ITIH4: variants seen among roughly 807,000 people sequenced by gnomAD.
The protein encoded by ITIH4 is inter-alpha-trypsin inhibitor heavy chain H4.
A neutral mutation model predicts 111.8 loss-of-function variants in ITIH4; 79 were observed. That is an observed-to-expected ratio of 0.71 (90% CI 0.59 to 0.85). ITIH4 has a LOEUF of 0.85. ITIH4 is among the 40% of genes least tolerant of loss of function. The pLI is 0.00. For missense variants in ITIH4, 1,065 were observed against 1,195.8 expected, an observed-to-expected ratio of 0.89 and a Z score of 1.61; for synonymous variants, 472 against 468.3, an observed-to-expected ratio of 1.01 and a Z score of -0.10.
intron 14 of ITIH4, 33 bp downstream of exon 14, chr3:52,820,258 C>G: frequency 2.5e-6 from 4 of 1,613,934 alleles, no homozygotes; most frequent in Non-Finnish European, 3.4e-6. Context: ...AGACCACCAC[C>G]CAGCACAGCC....
Position 52,821,044 on chromosome 3 carries a change from G to T in ITIH4, c.1626C>A (p.Asn542Lys). 1 of 1,614,150 alleles carries T rather than the reference G, an allele frequency of 6.2e-7. No individual in the cohort carries two copies. Among genetic ancestry groups the T allele is most frequent in the Non-Finnish European group, 8.5e-7 (1 of 1,180,044 alleles). ...EFQSPKYIFH[N>K]FMERLWAYLT... is the part of the protein sequence containing the mutation. ...GGTATGCCCAGAGCCTCTCCATGAA[G>T]TTGTGGAAGATATACTTGGGGCTCT... Residue 542 changes from asparagine to lysine, a missense_variant, in exon 12 of 24, where the codon AAC (asparagine) becomes AAA (lysine). Asn to Lys is a moderately conservative substitution (Grantham distance 94). Transcript: ENST00000266041.
intron 1 of ITIH4, chr3:52,829,918 A>C (rs1167814503): frequency 5.3e-6 from 1 of 189,496 alleles, no homozygotes; most frequent in Non-Finnish European, 1.1e-5. Context: ...AGCAGGTGCC[A>C]TTTGCCTTGA....
rs192394531 is a variant in ITIH4 at position 52,818,083 on chromosome 3, C to A, written c.2265G>T (p.Gly755=). 119 of 1,613,644 alleles carry A rather than the reference C, an allele frequency of 7.4e-5. No homozygotes were observed. In the East Asian group the frequency reaches 2.0e-3, roughly 27 times the overall value. Residue 755 remains glycine, a synonymous_variant, in exon 20 of 24, where the codon GGG becomes GGT. Transcript: ENST00000266041. Reference sequence around the variant, plus strand: ...CAGGGTCTGAGAGCAGGTTCACTGGCCCCTGGCGGTGTCTGGGGTCCACAC... The same window carrying A: ...CAGGGTCTGAGAGCAGGTTCACTGGACCCTGGCGGTGTCTGGGGTCCACAC... ...RLCVDPRHRQ[G]PVNLLSDPEQ...
chr3:52,821,223 G>C, intron 11 of ITIH4, 93 bp from the exon 12 acceptor site: 1 of 1,470,146 alleles, frequency 6.8e-7, no homozygotes, highest in South Asian at 1.3e-5. Context: ...TTGGGGCTGG[G>C]GCAGGTCCCA....
intron 1 of ITIH4, 96 bp downstream of exon 1, chr3:52,830,457 C>G: frequency 8.3e-7 from 1 of 1,206,662 alleles, no homozygotes; most frequent in South Asian, 1.2e-5. Flanking sequence ...TGCACACGCA[C>G]TTGTGCTGAC....
Position 52,824,209 on chromosome 3 carries a change from G to C in ITIH4, c.1152C>G (p.Thr384=). 6.2e-7 allele frequency: 1 copy of C among 1,613,402 alleles called. No homozygotes were observed. The highest frequency in any genetic ancestry group is 8.5e-7 in the Non-Finnish European group (1 of 1,180,006). The change falls in exon 9 of 24, where the codon ACC becomes ACG. Residue 384 remains threonine, a synonymous_variant. Coordinates refer to ENST00000266041, the MANE Select transcript of ITIH4 (RefSeq NM_002218.5). This position sits in a 1 kb window ranked among gnomAD's most constrained non-coding sequence, Gnocchi z 4.3. ...EGSVSLIILL[T]DGDPTVGETN... is the part of the protein sequence containing the mutation. ...CCTCACCCACAGTGGGGTCGCCATC[G>C]GTGAGCAGGATGATGAGTGAGACAC...
At position 52,826,846 on chromosome 3, in the gene ITIH4, C is replaced by T. The variant is rs778313521; in HGVS notation, c.464G>A (p.Gly155Glu). Residue 155 changes from glycine (G) to glutamate (E), a missense_variant, in exon 4 of 24, where the codon GGG becomes GAG. Coordinates refer to ENST00000266041, the MANE Select transcript of ITIH4 (RefSeq NM_002218.5). ...VYEELLKRRL[G>E]VYELLLKVRP... ...CACTTTCAGCAGCAGCTCGTACACC[C>T]CCAAACGCCGCTTGAGCAGCTCCTC... The T allele has an allele frequency of 6.2e-6, 10 of 1,613,818 alleles. No individual in the cohort carries two copies. The highest frequency in any genetic ancestry group is 1.7e-5 in the Admixed American group (1 of 60,004).
At chr3:52,826,745 C>T (rs1289382391) in intron 4 of ITIH4, 46 bp downstream of exon 4, 1 of 1,613,330 alleles carries the variant, frequency 6.2e-7, no homozygotes, top group East Asian at 2.2e-5. Flanking sequence ...CTCAGCAGGG[C>T]AAGGGTCATG....
At chr3:52,823,121 G>A (rs1220673750) in intron 11 of ITIH4, among the ~76,000 whole-genome samples, 1 of 152,192 alleles carries the variant, frequency 6.6e-6, no homozygotes, top group African/African-American at 2.4e-5. Context: ...CCTGGAAGGA[G>A]GCAGGGAAGG....
In ITIH4 at chr3:52,818,451, C is replaced by T. The variant is rs1700317585; in HGVS notation, c.2152+11G>A. On this transcript the variant is annotated intron_variant, in intron 18 of 23. Coordinates refer to ENST00000266041, the MANE Select transcript of ITIH4 (RefSeq NM_002218.5). Reference sequence around the variant, plus strand: ...CCCCTGTTAGGACAGGGCCTCTGGCCTTGGGGGCACCTTCGATTTTCATAT... The same window carrying T: ...CCCCTGTTAGGACAGGGCCTCTGGCTTTGGGGGCACCTTCGATTTTCATAT... 6.3e-7 allele frequency: 1 copy of T among 1,597,210 alleles called. No homozygotes were observed. Among genetic ancestry groups the T allele is most frequent in the Non-Finnish European group, 8.5e-7 (1 of 1,171,570 alleles).
intron 2 of ITIH4, 76 bp downstream of exon 2, chr3:52,829,042 AG>A: frequency 7.7e-7 from 1 of 1,304,806 alleles, no homozygotes. Context: ...CTTCAAGAAG[AG>A]GGTTTGCTGG....
chr3:52,821,072 A>T lies in ITIH4; in HGVS notation c.1598T>A (p.Phe533Tyr), dbSNP rs766030566. The change falls in exon 12 of 24, where the codon TTC becomes TAC. Residue 533 changes from phenylalanine to tyrosine, a missense_variant. Transcript: ENST00000266041. ...ESSVAEQEAE[F>Y]QSPKYIFHNF... ...GTGGAAGATATACTTGGGGCTCTGG[A>T]ACTCCGCCTCCTGCTCTGCCACACT... 9 of 1,613,968 alleles carry T rather than the reference A, an allele frequency of 5.6e-6. No homozygotes were observed. In the South Asian group the frequency reaches 9.9e-5, roughly 18 times the overall value.
chr3:52,827,713 G>A (rs955882118), intron 2 of ITIH4, among the ~76,000 whole-genome samples: 17 of 152,172 alleles, frequency 1.1e-4, no homozygotes, highest in Admixed American at 7.2e-4. Context: ...CAGTCTCCCC[G>A]CTCCCTCCCA....
rs1204941478 is a variant in ITIH4 at position 52,813,337 on chromosome 3, A to G, written c.*84T>C. The stretch of plus-strand genomic sequence containing the variant: ...GTAATGAGTGGGACTCTTCCTCCCC[A>G]TGGTGGTCCAGGCCCCAGAAGCGGC... On this transcript the variant is annotated 3_prime_UTR_variant, in exon 24 of 24. Coordinates refer to ENST00000266041, the MANE Select transcript of ITIH4 (RefSeq NM_002218.5). 3 of 1,178,410 alleles carry G rather than the reference A, an allele frequency of 2.5e-6. No individual in the cohort carries two copies. Among genetic ancestry groups the G allele is most frequent in the Non-Finnish European group, 3.8e-6 (3 of 783,824 alleles). The allele number at this position is 1,178,410 out of a possible 1,614,324, so 73.0% of individuals were successfully genotyped here.
rs547195354 is a variant in ITIH4 at position 52,820,676 on chromosome 3, C to T, written c.1789G>A (p.Asp597Asn). Residue 597 changes from aspartate (D) to asparagine (N), a missense_variant, in exon 13 of 24, where the codon GAT becomes AAT. By Grantham distance (23) the Asp-to-Asn change is conservative. Coordinates refer to ENST00000266041, the MANE Select transcript of ITIH4 (RefSeq NM_002218.5). ...PLTSMVVTKP[D>N]DQEQSQVAEK... ...GCAACTTGAGACTGCTCTTGGTCAT[C>T]GGGTTTGGTGACTACCATAGATGTG... 6.2e-6 allele frequency: 10 copies of T among 1,613,836 alleles called. No individual in the cohort carries two copies. The highest frequency in any genetic ancestry group is 4.0e-5 in the African/African-American group (3 of 75,034).
At position 52,826,079 on chromosome 3, in the gene ITIH4, C is replaced by T. The variant is rs113866301; in HGVS notation, c.631-65G>A. ...AAGCCAGGCCAACAACACCCTCTAC[C>T]CCTGTCTGTATATTGGGAAATCAGA... On this transcript the variant is annotated intron_variant, in intron 5 of 23. Coordinates refer to ENST00000266041, the MANE Select transcript of ITIH4 (RefSeq NM_002218.5). The T allele has an allele frequency of 7.5e-5, 120 of 1,598,462 alleles. No individual in the cohort carries two copies. The African/African-American group carries it at 9.5e-4, about 13-fold the overall frequency.
intron 15 of ITIH4, 36 bp from the exon 16 acceptor site, chr3:52,819,828 T>C: frequency 6.2e-7 from 1 of 1,613,098 alleles, no homozygotes; most frequent in Non-Finnish European, 8.5e-7. Context: ...ACAACTGAAC[T>C]GAGGCCCGAG....
chr3:52,830,426 A>AT, intron 1 of ITIH4, 127 bp downstream of exon 1: 1 of 924,466 alleles, frequency 1.1e-6, no homozygotes, highest in Non-Finnish European at 1.8e-6. Context: ...GGTCTGCACC[A>AT]TTTTTTTGCA....
intron 23 of ITIH4, 37 bp from the exon 24 acceptor site, chr3:52,813,527 G>GA (rs762274232): frequency 1.3e-6 from 2 of 1,582,308 alleles, no homozygotes; most frequent in Non-Finnish European, 1.7e-6. Flanking sequence ...CAGGTGGTCA[G>GA]CAAATCTCAG....
Sources: gnomAD v4.1 joint callset for allele counts (sites outside exome capture counted in the v4.1 genomes callset) on GRCh38, gnomAD v4.1.1 for gene constraint, Gnocchi (gnomAD v3.1) non-coding constraint, MANE v1.5 for transcripts, NCBI Gene and HGNC (gene_info 2026-07-23, HGNC 2026-07-21) for gene names.